The following EPB41L4B variants were observed in gnomAD, a reference collection of about 807,000 sequenced individuals.
EPB41L4B encodes the protein band 4.1-like protein 4B.
EPB41L4B carries 30 observed loss-of-function variants against 112.5 expected under a neutral mutation model. The ratio of observed to expected loss-of-function variants is 0.27; its 90% CI spans 0.20 to 0.36. EPB41L4B has a LOEUF of 0.36. Among genes scored for constraint, EPB41L4B ranks in the 10% least tolerant of loss-of-function variants. The pLI, the probability that EPB41L4B is intolerant of heterozygous loss-of-function variation, is 1.00. For missense variants in EPB41L4B, 1,024 were observed against 1,133.3 expected (o/e 0.90, Z 1.38); for synonymous variants, 408 against 439.7 (o/e 0.93, Z 0.90).
intron 15 of EPB41L4B, among the ~76,000 whole-genome samples, chr9:109,238,798 G>A (rs1349127303): frequency 1.3e-5 from 2 of 152,212 alleles, no homozygotes; most frequent in Non-Finnish European, 2.9e-5. Context: ...GAAGGGATGG[G>A]AGTGACAGAA....
intron 1 of EPB41L4B, among the ~76,000 whole-genome samples, chr9:109,286,172 GA>G (rs1836270519): frequency 6.7e-6 from 1 of 150,306 alleles, no homozygotes; most frequent in Non-Finnish European, 1.5e-5. Context: ...TGGGTGGATG[GA>G]TGGATGGATG....
rs140938624 is a variant in EPB41L4B at position 109,172,162 on chromosome 9, C to G, written c.*2392G>C. 6.6e-6 allele frequency: 1 copy of G among 152,334 alleles called. No individual in the cohort carries two copies. The highest frequency in any genetic ancestry group is 1.9e-4 in the East Asian group (1 of 5,170). 9.4% of individuals were successfully genotyped at this position (152,334 alleles called of 1,614,324 possible). A position where few individuals can be genotyped will look rare whatever the true frequency, so the allele number is the denominator to read the frequency against. ...GGAAGCCCAGAGCCTCCTGGAAACA[C>G]TGGCCAAAAAGCCCATGCATCCCTT... On this transcript the variant is annotated 3_prime_UTR_variant, in exon 26 of 26. Transcript: ENST00000374566.
rs771015676 is a variant in EPB41L4B at position 109,174,610 on chromosome 9, G to A, written c.2647C>T (p.Arg883Trp). 1.4e-5 allele frequency: 22 copies of A among 1,613,822 alleles called. No homozygotes were observed. The highest frequency in any genetic ancestry group is 1.7e-6 in the Non-Finnish European group (2 of 1,179,948). The change falls in exon 26 of 26, where the codon CGG becomes TGG. Residue 883 changes from arginine to tryptophan, a missense_variant. Coordinates refer to ENST00000374566, the MANE Select transcript of EPB41L4B (RefSeq NM_019114.5). ...ATCTTCTCTCTCTCCAGTTCCTGCC[G>A]GAGTGTCTCTGCACTAAAAAAAAGT... ...VSLAASAETLRQELEREKMMK... is the reference protein window; with the variant it reads ...VSLAASAETLWQELEREKMMK...
chr9:109,306,414 G>A (rs1317813173), intron 1 of EPB41L4B, among the ~76,000 whole-genome samples: 1 of 152,136 alleles, frequency 6.6e-6, no homozygotes, highest in African/African-American at 2.4e-5. Flanking sequence ...AGGAGTTTGA[G>A]ACCAGCCTGC....
chr9:109,184,768 TG>T (rs1832195968), intron 23 of EPB41L4B, among the ~76,000 whole-genome samples: 1 of 152,222 alleles, frequency 6.6e-6, no homozygotes. Context: ...ATAAAATTCC[TG>T]ATGCAAAAAG....
chr9:109,267,725 T>C (rs1255871994), intron 3 of EPB41L4B, among the ~76,000 whole-genome samples, 174 bp from the exon 4 acceptor site: 1 of 152,200 alleles, frequency 6.6e-6, no homozygotes. Flanking sequence ...GAAACTGAGA[T>C]GGATGGACTT....
At chr9:109,310,077 G>GT (rs147249619) in intron 1 of EPB41L4B, among the ~76,000 whole-genome samples, 1 of 151,860 alleles carries the variant, frequency 6.6e-6, no homozygotes, top group East Asian at 1.9e-4. Context: ...TCAAAGCGGT[G>GT]TTTTTTTTCC....
At chr9:109,198,450 C>G (rs567420829) in intron 20 of EPB41L4B, among the ~76,000 whole-genome samples, 84 of 152,334 alleles carry the variant, frequency 5.5e-4, no homozygotes, top group African/African-American at 2.0e-3. Context: ...CAAACAGTCA[C>G]TTTTCCAAGA....
chr9:109,302,452 C>T (rs1344692927), intron 1 of EPB41L4B, among the ~76,000 whole-genome samples: 5 of 152,166 alleles, frequency 3.3e-5, no homozygotes, highest in African/African-American at 1.2e-4. Context: ...AAGACCTTAT[C>T]CCCAAATACA....
chr9:109,283,584 T>A (rs920505851), intron 1 of EPB41L4B, among the ~76,000 whole-genome samples: 1 of 151,936 alleles, frequency 6.6e-6, no homozygotes, highest in East Asian at 1.9e-4. Context: ...ATTACGAAGA[T>A]GAGATAAAAA....
intron 1 of EPB41L4B, among the ~76,000 whole-genome samples, chr9:109,286,018 C>T (rs1335264301): frequency 6.6e-6 from 1 of 152,238 alleles, no homozygotes; most frequent in East Asian, 1.9e-4. Context: ...AGAGCACTCC[C>T]TCCCTGAGGA....
intron 6 of EPB41L4B, among the ~76,000 whole-genome samples, chr9:109,259,677 T>C (rs748803773): frequency 6.6e-6 from 1 of 152,208 alleles, no homozygotes; most frequent in Non-Finnish European, 1.5e-5. Context: ...GTTACAAGAA[T>C]GAAAAAGGAG....
At position 109,320,650 on chromosome 9, in the gene EPB41L4B, A is replaced by G. The variant is rs1366339268; in HGVS notation, c.-204T>C. On this transcript the variant is annotated 5_prime_UTR_variant, in exon 1 of 26. Transcript: ENST00000374566. The stretch of plus-strand genomic sequence containing the variant: ...GCCTGCGGGGCGCGCCGGCCCGGCC[A>G]GCGCCGGCTGCGAGTGGCCGCAGGC... The G allele has an allele frequency of 1.4e-5, 2 of 146,520 alleles. No homozygotes were observed. The highest frequency in any genetic ancestry group is 4.3e-4 in the East Asian group (2 of 4,638). The allele number at this position is 146,520 out of a possible 1,614,324, so 9.1% of individuals were successfully genotyped here.
chr9:109,182,884 C>A (rs1832118044), intron 23 of EPB41L4B, 87 bp from the exon 24 acceptor site: 4 of 989,364 alleles, frequency 4.0e-6, no homozygotes, highest in Non-Finnish European at 4.8e-6. Flanking sequence ...TAAAATGGAA[C>A]CAAAGGATTC....
intron 1 of EPB41L4B, among the ~76,000 whole-genome samples, chr9:109,281,539 C>T (rs1467203858): frequency 6.6e-6 from 1 of 152,078 alleles, no homozygotes; most frequent in Non-Finnish European, 1.5e-5. Context: ...CCTGTCTCCA[C>T]TAAAAATACA....
rs151048554 is a variant in EPB41L4B, at chr9:109,176,476, AAC to A, written c.2633+73_2633+74del. The stretch of plus-strand genomic sequence containing the variant: ...GTAGGAAAGGCCTGTACGTGTCACA[AAC>A]ACAATGAACCTAGAGTCTCCCTGGT... On this transcript the variant is annotated intron_variant, in intron 25 of 25. Coordinates refer to ENST00000374566, the MANE Select transcript of EPB41L4B (RefSeq NM_019114.5). 5.2e-3 allele frequency: 7,802 copies of A among 1,486,450 alleles called. 260 individuals carry two copies. The African/African-American group carries it at 0.076, about 14-fold the overall frequency. 92.1% of individuals were successfully genotyped at this position (1,486,450 alleles called of 1,614,324 possible). A position where few individuals can be genotyped will look rare whatever the true frequency, so the allele number is the denominator to read the frequency against.
intron 18 of EPB41L4B, among the ~76,000 whole-genome samples, chr9:109,206,969 G>A (rs947043655): frequency 1.3e-5 from 2 of 152,160 alleles, no homozygotes; most frequent in Non-Finnish European, 2.9e-5. Context: ...TCCAACACTG[G>A]CAGATCCAGC....
chr9:109,241,547 A>G, intron 15 of EPB41L4B: 2 of 1,518,662 alleles, frequency 1.3e-6, no homozygotes, highest in Non-Finnish European at 1.8e-6. Context: ...AACACCTTTC[A>G]GGACTACTCC....
At position 109,250,866 on chromosome 9, in the gene EPB41L4B, G is replaced by A. The variant is rs149990987; in HGVS notation, c.1310+615C>T. 2.4e-3 allele frequency among the ~76,000 whole-genome samples: 369 copies of A among 152,304 alleles called. 2 individuals are homozygous for A. Among genetic ancestry groups the A allele is most frequent in the African/African-American group, 8.2e-3 (340 of 41,572 alleles). ...TAAAGTTTTATTGGAATGCAGTCAC[G>A]TTCGCTCATTTACATATTTTCCACA... On this transcript the variant is annotated intron_variant, in intron 13 of 25. Transcript: ENST00000374566.
Sources: allele counts gnomAD v4.1 joint callset (sites outside exome capture counted in the v4.1 genomes callset), GRCh38; gene constraint gnomAD v4.1.1; transcripts MANE v1.5; gene names NCBI Gene and HGNC (gene_info 2026-07-23, HGNC 2026-07-21).